The following DNAH8 variants were observed in gnomAD, a reference collection of about 807,000 sequenced individuals.
DNAH8 encodes the protein axonemal beta dynein heavy chain 8.
In DNAH8, 382 loss-of-function variants were observed where a neutral mutation model predicts 562.1. The observed-to-expected ratio is 0.68, with a 90% CI of 0.63 to 0.74. DNAH8 has a LOEUF of 0.74. Ranked by LOEUF, DNAH8 falls within the 30% of genes least tolerant of loss-of-function variation. The pLI is 0.00. For synonymous variants in DNAH8, 1,881 were observed against 1,919.4 expected (o/e 0.98, Z 0.52); for missense variants, 5,203 against 5,620.4 (o/e 0.93, Z 2.37).
intron 91 of DNAH8, among the ~76,000 whole-genome samples, chr6:39,013,626 C>T (rs1207565126): frequency 6.6e-6 from 1 of 152,080 alleles, no homozygotes; most frequent in Non-Finnish European, 1.5e-5. Context: ...TCAAGGTGGG[C>T]AAGTTGCTTG....
In DNAH8 at chr6:38,822,957, A is replaced by G. The variant is rs774774303; in HGVS notation, c.3643A>G (p.Lys1215Glu). 2 of 1,613,648 alleles carry G rather than the reference A, an allele frequency of 1.2e-6. No individual in the cohort carries two copies. Among genetic ancestry groups the G allele is most frequent in the South Asian group, 2.2e-5 (2 of 90,986 alleles). ...LLSSSVNSLR[K>E]AAHEALQDFQ... ...TTCTTCCTCTGTAAATTCCCTAAGA[A>G]AGGCAGCTCATGAGGCCCTGCAGGA... Residue 1215 changes from lysine (K) to glutamate (E), a missense_variant, in exon 27 of 93, where the codon AAG (lysine) becomes GAG (glutamate). Physicochemically the swap from Lys to Glu is moderately conservative, Grantham distance 56. This residue lies in a region of DNAH8 where 2,176 missense variants were observed against 2,365.1 expected (regional missense o/e 0.92). Coordinates refer to ENST00000327475, the MANE Select transcript of DNAH8 (RefSeq NM_001206927.2).
chr6:38,836,892 GA>G (rs200415470), intron 32 of DNAH8, among the ~76,000 whole-genome samples: 4,976 of 151,476 alleles, frequency 0.033, 123 homozygotes, highest in Non-Finnish European at 0.047. Flanking sequence ...CAACCTGAAG[GA>G]AAAAAAAGGT....
At chr6:38,980,771 G>A (rs1763980789) in intron 85 of DNAH8, among the ~76,000 whole-genome samples, 1 of 151,854 alleles carries the variant, frequency 6.6e-6, no homozygotes, top group Non-Finnish European at 1.5e-5. Context: ...TATTATTATT[G>A]TTGCTCTTAG....
At chr6:39,027,419 G>A (rs1767369562) in intron 92 of DNAH8, among the ~76,000 whole-genome samples, 1 of 152,190 alleles carries the variant, frequency 6.6e-6, no homozygotes, top group South Asian at 2.1e-4. Context: ...ATGGCTGGGG[G>A]GAAGAGCCCC....
chr6:38,807,316 T>G (rs1369353640), intron 23 of DNAH8, among the ~76,000 whole-genome samples: 1 of 152,180 alleles, frequency 6.6e-6, no homozygotes, highest in Non-Finnish European at 1.5e-5. Flanking sequence ...GAAAATTGAG[T>G]ATTGAGCAAG....
intron 82 of DNAH8, among the ~76,000 whole-genome samples, chr6:38,958,297 G>A (rs971395783): frequency 6.6e-6 from 1 of 151,542 alleles, no homozygotes; most frequent in South Asian, 2.1e-4. Flanking sequence ...GAGCCACCGC[G>A]CCCGGCCGAT....
chr6:38,895,283 A>G (rs1038903262), intron 59 of DNAH8, among the ~76,000 whole-genome samples: 1 of 152,100 alleles, frequency 6.6e-6, no homozygotes, highest in African/African-American at 2.4e-5. Flanking sequence ...AGTAAGGAGC[A>G]TTGTCATCAT....
At chr6:38,876,396 C>T (rs1444658668) in intron 53 of DNAH8, among the ~76,000 whole-genome samples, 1 of 152,176 alleles carries the variant, frequency 6.6e-6, no homozygotes, top group African/African-American at 2.4e-5. Flanking sequence ...GAAAAATATG[C>T]TTCCTAAAAA....
At chr6:38,877,770 C>T (rs781333932) in intron 53 of DNAH8, among the ~76,000 whole-genome samples, 45 of 152,106 alleles carry the variant, frequency 3.0e-4, no homozygotes, top group Admixed American at 7.2e-4. Context: ...CTTATGCTTC[C>T]AGCGAAGATG....
intron 43 of DNAH8, among the ~76,000 whole-genome samples, chr6:38,861,953 T>TTTTTTG (rs1228806191): frequency 6.6e-6 from 1 of 151,274 alleles, no homozygotes; most frequent in African/African-American, 2.4e-5. Context: ...AACCAGGTTT[T>TTTTTTG]TTTTTTTTTT....
intron 62 of DNAH8, among the ~76,000 whole-genome samples, chr6:38,905,905 T>G (rs1379133119): frequency 6.6e-6 from 1 of 152,070 alleles, no homozygotes; most frequent in African/African-American, 2.4e-5. Flanking sequence ...TTGTTGTTGT[T>G]TGTTTGTTTA....
At chr6:38,790,108 A>G (rs1471250299) in intron 19 of DNAH8, among the ~76,000 whole-genome samples, 181 bp from the exon 20 acceptor site, 1 of 152,054 alleles carries the variant, frequency 6.6e-6, no homozygotes, top group Non-Finnish European at 1.5e-5. Context: ...CTGAAAATTC[A>G]TGATTGTTTC....
At chr6:38,985,891 A>G (rs967941415) in intron 87 of DNAH8, among the ~76,000 whole-genome samples, 1 of 152,210 alleles carries the variant, frequency 6.6e-6, no homozygotes, top group African/African-American at 2.4e-5. Context: ...AGTCCACAGT[A>G]GCCAACACTC....
chr6:38,897,756 G>A (rs1264706166), intron 60 of DNAH8, among the ~76,000 whole-genome samples: 2 of 152,016 alleles, frequency 1.3e-5, no homozygotes, highest in Admixed American at 1.3e-4. Context: ...ACTCCAGTCC[G>A]GGTGACAGAG....
rs369609087 is a variant in DNAH8, at chr6:38,990,020, C to T, written c.13062C>T (p.Phe4354=). ...RLLNCFARVW[F]SEKMFEPSFC... ...TTTTCTCTCACATACAGGTCTGGTT[C>T]AGTGAGAAGATGTTTGAACCGTCAT... Residue 4354 remains phenylalanine (F), a synonymous_variant, in exon 88 of 93, where the codon TTC becomes TTT. Transcript: ENST00000327475. The T allele has an allele frequency of 5.7e-6, 9 of 1,591,420 alleles. No individual in the cohort carries two copies. The highest frequency in any genetic ancestry group is 3.4e-5 in the Admixed American group (2 of 58,784).
intron 61 of DNAH8, 152 bp downstream of exon 61, chr6:38,898,532 A>T (rs1779859022): frequency 2.0e-6 from 1 of 510,994 alleles, no homozygotes; most frequent in African/African-American, 2.0e-5. Flanking sequence ...CCCAGAAAAT[A>T]AAGGCTTAAT....
chr6:38,896,958 TGTATTTTTA>T lies in DNAH8; in HGVS notation c.8940+737_8940+745del, dbSNP rs1045040408. Among the ~76,000 whole-genome samples the T allele has an allele frequency of 2.1e-4, 32 of 152,116 alleles. 1 individual carries two copies. The highest frequency in any genetic ancestry group is 2.0e-3 in the Admixed American group (30 of 15,278). The stretch of plus-strand genomic sequence containing the variant: ...CCCCCACCATGCCTGGCTAATTTTT[TGTATTTTTA>T]GTAGAGACGAGGTTTCACCGTGTTG... On this transcript the variant is annotated intron_variant, in intron 60 of 92. Coordinates refer to ENST00000327475, the MANE Select transcript of DNAH8 (RefSeq NM_001206927.2).
chr6:38,715,799 C>T lies in DNAH8; in HGVS notation c.-35+384C>T, dbSNP rs1254218824. Among the ~76,000 whole-genome samples, 2 of 108,940 alleles carry T rather than the reference C, an allele frequency of 1.8e-5. 1 individual carries two copies. The highest frequency in any genetic ancestry group is 4.9e-5 in the Non-Finnish European group (2 of 40,916). The allele number at this position is 108,940 out of a possible 152,430, so 71.5% of individuals were successfully genotyped here. On this transcript the variant is annotated intron_variant, in intron 1 of 92. Coordinates refer to ENST00000327475, the MANE Select transcript of DNAH8 (RefSeq NM_001206927.2). ...AGGGGGGTGAGGGATGAAACAACTA[C>T]ATATCGCTTGCAATGTATGCTACCT...
chr6:38,730,435 C>T (rs920471828), intron 4 of DNAH8, among the ~76,000 whole-genome samples: 1 of 152,192 alleles, frequency 6.6e-6, no homozygotes, highest in Non-Finnish European at 1.5e-5. Context: ...AATTAACATG[C>T]TACCAGCTTG....
Sources: allele counts gnomAD v4.1 joint callset (sites outside exome capture counted in the v4.1 genomes callset), GRCh38; gene constraint gnomAD v4.1.1; regional missense constraint gnomAD v4.1.1; transcripts MANE v1.5; gene names NCBI Gene and HGNC (gene_info 2026-07-23, HGNC 2026-07-21).